Variants in CAMTA2 observed in about 807,000 individuals in gnomAD.
CAMTA2 encodes calmodulin binding transcription activator 2.
In CAMTA2, 56 loss-of-function variants were observed where a neutral mutation model predicts 135.7. The ratio of observed to expected loss-of-function variants is 0.41; its 90% CI spans 0.33 to 0.52. The LOEUF is 0.52. Among genes scored for constraint, CAMTA2 ranks in the 20% least tolerant of loss-of-function variants. The probability of loss-of-function intolerance (pLI) is 0.16; values close to 1 mark genes in which losing one functional copy is unlikely to be tolerated. For missense variants in CAMTA2, 1,358 were observed against 1,553.4 expected, an observed-to-expected ratio of 0.87 and a Z score of 2.11; for synonymous variants, 591 against 604.6, an observed-to-expected ratio of 0.98 and a Z score of 0.33.
Position 4,968,747 on chromosome 17 carries a change from G to A in CAMTA2, c.*9C>T. 6.2e-7 allele frequency: 1 copy of A among 1,614,022 alleles called. No homozygotes were observed. Among genetic ancestry groups the A allele is most frequent in the Non-Finnish European group, 8.5e-7 (1 of 1,180,004 alleles). On this transcript the variant is annotated 3_prime_UTR_variant, in exon 23 of 23. Transcript: ENST00000348066. ...CGCCCCCAGGGTGGTGAGAAAGGCG[G>A]TGGCCAGGTCATGTGGCCAGTCCCG...
At position 4,972,328 on chromosome 17, in the gene CAMTA2, C is replaced by G. The variant is rs565049159; in HGVS notation, c.2712G>C (p.Lys904Asn). 23 of 1,613,704 alleles carry G rather than the reference C, an allele frequency of 1.4e-5. No individual in the cohort carries two copies. The East Asian group carries it at 3.3e-4, about 23-fold the overall frequency. ...GGGCAGGAAGGGAGGAGAGGGGCCC[C>G]TTGGAGTTGGTAGCCTCATAGTCCA... ...LLMDYEATNSKGPLSSLPALP... is the reference protein window; with the variant it reads ...LLMDYEATNSNGPLSSLPALP... The change falls in exon 16 of 23, where the codon AAG becomes AAC. Residue 904 changes from lysine to asparagine, a missense_variant. Physicochemically the swap from Lys to Asn is moderately conservative, Grantham distance 94. Transcript: ENST00000348066.
chr17:4,982,982 T>C lies in CAMTA2; in HGVS notation c.197A>G (p.Lys66Arg). Reference sequence around the variant, plus strand: ...TGTTCTCAAACTTTCTCACCTTGTCTTTGGGGCACAAGACAGCCACTCATC... The same window carrying C: ...TGTTCTCAAACTTTCTCACCTTGTCCTTGGGGCACAAGACAGCCACTCATC... Reference protein sequence around the residue: ...KHDEWLSCAPKTRPQNGSIIL... With the variant: ...KHDEWLSCAPRTRPQNGSIIL... Residue 66 changes from lysine (K) to arginine (R), a missense_variant, in exon 4 of 23, where the codon AAG becomes AGG. Coordinates refer to ENST00000348066, the MANE Select transcript of CAMTA2 (RefSeq NM_015099.4). 1 of 1,614,154 alleles carries C rather than the reference T, an allele frequency of 6.2e-7. No homozygotes were observed. The highest frequency in any genetic ancestry group is 8.5e-7 in the Non-Finnish European group (1 of 1,180,012).
In CAMTA2 at chr17:4,977,202, G is replaced by T; in HGVS notation, c.1766-10C>A. Reference sequence around the variant, plus strand: ...AGCCCTACCTCATGGGCTGGAGAGGGTAGGATCAGCGAGAAGGGCTCTCTT... The same window carrying T: ...AGCCCTACCTCATGGGCTGGAGAGGTTAGGATCAGCGAGAAGGGCTCTCTT... On this transcript the variant is annotated splice_polypyrimidine_tract_variant and intron_variant, in intron 10 of 22. Transcript: ENST00000348066. 6.2e-7 allele frequency: 1 copy of T among 1,612,482 alleles called. No homozygotes were observed. Among genetic ancestry groups the T allele is most frequent in the Middle Eastern group, 1.7e-4 (1 of 6,042 alleles).
In CAMTA2 at chr17:4,979,767, G is replaced by C. The variant is rs1972843798; in HGVS notation, c.1555C>G (p.Pro519Ala). 3 of 1,614,114 alleles carry C rather than the reference G, an allele frequency of 1.9e-6. No homozygotes were observed. The highest frequency in any genetic ancestry group is 2.5e-6 in the Non-Finnish European group (3 of 1,180,016). ...LMGELISDEAPSIPAPTPQLS... is the reference protein window; with the variant it reads ...LMGELISDEAASIPAPTPQLS... ...TGGGGGGTCGGAGCAGGGATGCTTG[G>C]AGCTTCGTCACTGATGAGTTCTCCC... Residue 519 changes from proline to alanine, a missense_variant, in exon 9 of 23, where the codon CCA becomes GCA. By Grantham distance (27) the Pro-to-Ala change is conservative. Transcript: ENST00000348066.
chr17:4,986,512 G>A, intron 1 of CAMTA2: 1 of 543,902 alleles, frequency 1.8e-6, no homozygotes, highest in Non-Finnish European at 3.2e-6. Flanking sequence ...GGAAGAAATG[G>A]GTTGGGGTGG....
intron 16 of CAMTA2, among the ~76,000 whole-genome samples, chr17:4,971,283 C>T (rs962901365): frequency 2.0e-5 from 3 of 152,226 alleles, no homozygotes; most frequent in African/African-American, 7.2e-5. Context: ...CATCTTGGTT[C>T]TCCTAGAACC....
At position 4,972,235 on chromosome 17, in the gene CAMTA2, G is replaced by A. The variant is rs754229322; in HGVS notation, c.2805C>T (p.Ile935=). 6.2e-7 allele frequency: 1 copy of A among 1,612,964 alleles called. No homozygotes were observed. The highest frequency in any genetic ancestry group is 1.7e-5 in the Admixed American group (1 of 59,902). ...ACTCCATCAATATAAGCAGTACCGG[G>A]ATCACATCCACAGCCTGTGGGCTGT... ...DADSPQAVDV[I]PVDMISLAKQ... Residue 935 remains isoleucine (I), a synonymous_variant, in exon 16 of 23, where the codon ATC becomes ATT. Transcript: ENST00000348066.
At chr17:4,981,894 A>G in intron 6 of CAMTA2, 63 bp from the exon 7 acceptor site, 1 of 1,496,682 alleles carries the variant, frequency 6.7e-7, no homozygotes, top group South Asian at 1.3e-5. Context: ...TGGCTTCCTA[A>G]TCCTCACTTT....
At position 4,973,736 on chromosome 17, in the gene CAMTA2, C is replaced by T. The variant is rs769143135; in HGVS notation, c.2050G>A (p.Val684Ile). Residue 684 changes from valine to isoleucine, a missense_variant, in exon 13 of 23, where the codon GTA (valine) becomes ATA (isoleucine). Physicochemically the swap from Val to Ile is conservative, Grantham distance 29. This residue lies in a region of CAMTA2 where 1,077 missense variants were observed against 1,127.5 expected (regional missense o/e 0.96). Coordinates refer to ENST00000348066, the MANE Select transcript of CAMTA2 (RefSeq NM_015099.4). ...EGQGPGFEAR[V>I]VVLVESMIPR... ...ATCATGCTTTCTACCAAGACCACTACCCGTGCTTCGAACCCAGGCCCCTGG... is the reference window on the plus strand; with the variant it reads ...ATCATGCTTTCTACCAAGACCACTATCCGTGCTTCGAACCCAGGCCCCTGG... 11 of 1,612,732 alleles carry T rather than the reference C, an allele frequency of 6.8e-6. No homozygotes were observed. The East Asian group carries it at 1.8e-4, about 26-fold the overall frequency.
In CAMTA2 at chr17:4,980,431, G is replaced by GGAGGAAGAA; in HGVS notation, c.882_890dup (p.Ser297_Ser299dup). 1 of 1,613,784 alleles carries GGAGGAAGAA rather than the reference G, an allele frequency of 6.2e-7. No individual in the cohort carries two copies. On this transcript the variant is annotated inframe_insertion, in exon 9 of 23. Transcript: ENST00000348066. This position sits in a 1 kb window ranked among gnomAD's most constrained non-coding sequence, Gnocchi z 5.3. ...CTAGGGGCTCTGCAAAACCTGATGA[G>GGAGGAAGAA]GAGGAAGAAGAGGAAGAAGATGGGG...
chr17:4,979,617 A>G (rs1838870165), intron 9 of CAMTA2, 67 bp downstream of exon 9: 1 of 1,156,994 alleles, frequency 8.6e-7, no homozygotes, highest in African/African-American at 1.5e-5. Context: ...AAGAGTTAAT[A>G]CAATTTGTTT....
chr17:4,978,379 G>T, intron 10 of CAMTA2, 125 bp downstream of exon 10: 1 of 1,008,186 alleles, frequency 9.9e-7, no homozygotes, highest in Non-Finnish European at 1.5e-6. Flanking sequence ...CTCAGGACTG[G>T]ATGAAGTCCT....
At chr17:4,987,406 T>G in intron 1 of CAMTA2, 187 bp downstream of exon 1, 13 of 1,370,126 alleles carry the variant, frequency 9.5e-6, no homozygotes, top group Non-Finnish European at 1.2e-5. Context: ...CGGCACGCGC[T>G]GGTCCGCCGT....
chr17:4,979,837 G>A lies in CAMTA2; in HGVS notation c.1485C>T (p.Ala495=), dbSNP rs189820772. The A allele has an allele frequency of 9.3e-6, 15 of 1,613,868 alleles. No homozygotes were observed. In the East Asian group the frequency reaches 3.3e-4, roughly 36 times the overall value. The change falls in exon 9 of 23, where the codon GCC becomes GCT. Residue 495 remains alanine (A), a synonymous_variant. Coordinates refer to ENST00000348066, the MANE Select transcript of CAMTA2 (RefSeq NM_015099.4). ...GEALFGGPVG[A]SELEPFSLSS... is the part of the protein sequence containing the mutation. Reference sequence around the variant, plus strand: ...AAAGACTGAAGGGCTCCAGTTCACTGGCCCCAACAGGTCCTCCAAACAAGG... The same window carrying A: ...AAAGACTGAAGGGCTCCAGTTCACTAGCCCCAACAGGTCCTCCAAACAAGG...
chr17:4,977,203 T>C lies in CAMTA2; in HGVS notation c.1766-11A>G, dbSNP rs746165822. 2 of 1,612,388 alleles carry C rather than the reference T, an allele frequency of 1.2e-6. No individual in the cohort carries two copies. Among genetic ancestry groups the C allele is most frequent in the South Asian group, 2.2e-5 (2 of 91,018 alleles). On this transcript the variant is annotated splice_polypyrimidine_tract_variant and intron_variant, in intron 10 of 22. Transcript: ENST00000348066. ...GCCCTACCTCATGGGCTGGAGAGGG[T>C]AGGATCAGCGAGAAGGGCTCTCTTT...
In CAMTA2 at chr17:4,969,035, C is replaced by G. The variant is rs1972094250; in HGVS notation, c.3471-54G>C. 1 of 1,592,050 alleles carries G rather than the reference C, an allele frequency of 6.3e-7. No individual in the cohort carries two copies. Among genetic ancestry groups the G allele is most frequent in the East Asian group, 2.2e-5 (1 of 44,750 alleles). ...ACAGAAGGCATCGCATGCCTTCGGC[C>G]CCCCCAGGAACCCTAGGCAGGGAAT... On this transcript the variant is annotated intron_variant, in intron 21 of 22. Transcript: ENST00000348066. This position sits in a 1 kb window ranked among gnomAD's most constrained non-coding sequence, Gnocchi z 5.6.
At chr17:4,975,656 G>C (rs900650515) in intron 11 of CAMTA2, among the ~76,000 whole-genome samples, 1 of 152,112 alleles carries the variant, frequency 6.6e-6, no homozygotes, top group African/African-American at 2.4e-5. Context: ...CCAGCTCCAA[G>C]AGTGAGGCGA....
chr17:4,974,034 T>C (rs915441306), intron 12 of CAMTA2: 3 of 538,586 alleles, frequency 5.6e-6, no homozygotes, highest in Non-Finnish European at 6.6e-6. Flanking sequence ...ACATGGCTTC[T>C]CCCCCTCAGA....
rs947850629 is a variant in CAMTA2, at chr17:4,985,719, C to T, written c.135+161G>A. ...GATTACAGGCATGAGCCACCATGCC[C>T]GGCCAAGATCCATGTTTTTATACCT... On this transcript the variant is annotated intron_variant, in intron 3 of 22. Coordinates refer to ENST00000348066, the MANE Select transcript of CAMTA2 (RefSeq NM_015099.4). 4.6e-5 allele frequency among the ~76,000 whole-genome samples: 7 copies of T among 152,116 alleles called. No individual in the cohort carries two copies. In the East Asian group the frequency reaches 5.8e-4, roughly 13 times the overall value.
Sources: gnomAD v4.1 joint callset for allele counts (sites outside exome capture counted in the v4.1 genomes callset) on GRCh38, gnomAD v4.1.1 for gene constraint, gnomAD v4.1.1 regional missense constraint, Gnocchi (gnomAD v3.1) non-coding constraint, MANE v1.5 for transcripts, NCBI Gene and HGNC (gene_info 2026-07-23, HGNC 2026-07-21) for gene names.